Variants in PDE8B observed in about 807,000 individuals in gnomAD.
PDE8B encodes high affinity cAMP-specific and IBMX-insensitive 3',5'-cyclic phosphodiesterase 8B.
PDE8B carries 26 observed loss-of-function variants against 101.3 expected under a neutral mutation model. The ratio of observed to expected loss-of-function variants is 0.26; its 90% CI spans 0.19 to 0.36. The LOEUF (loss-of-function observed/expected upper bound fraction) is 0.36. PDE8B is among the 10% of genes least tolerant of loss of function. PDE8B has a pLI of 1.00. For synonymous variants in PDE8B, 424 were observed against 429.3 expected (o/e 0.99, Z 0.15); for missense variants, 810 against 1,163.1 (o/e 0.70, Z 4.42).
chr5:77,278,829 C>T (rs145254491), intron 1 of PDE8B, among the ~76,000 whole-genome samples: 1 of 152,244 alleles, frequency 6.6e-6, no homozygotes, highest in East Asian at 1.9e-4. Flanking sequence ...AATAGTACAA[C>T]ATCAATTTTT....
At chr5:77,165,613 G>A in the PDE8B span, 2 of 152,266 alleles carry the variant, frequency 1.3e-5, no homozygotes, top group Non-Finnish European at 2.9e-5. Flanking sequence ...TCTCCCTACT[G>A]GCATAAAAAT....
chr5:77,409,076 C>T lies in PDE8B; in HGVS notation c.1530+19C>T. The T allele has an allele frequency of 6.2e-7, 1 of 1,611,256 alleles. No individual in the cohort carries two copies. Among genetic ancestry groups the T allele is most frequent in the Non-Finnish European group, 8.5e-7 (1 of 1,177,632 alleles). On this transcript the variant is annotated intron_variant, in intron 14 of 21. Transcript: ENST00000264917. Reference sequence around the variant, plus strand: ...GATGACTGTGAGTGATGAGGCAAAACCTGAAAAGCAAGAGAGGTATCCGGG... The same window carrying T: ...GATGACTGTGAGTGATGAGGCAAAATCTGAAAAGCAAGAGAGGTATCCGGG...
In PDE8B at chr5:77,331,474, T is replaced by G; in HGVS notation, c.708+15T>G. 1 of 1,602,028 alleles carries G rather than the reference T, an allele frequency of 6.2e-7. No homozygotes were observed. Among genetic ancestry groups the G allele is most frequent in the Non-Finnish European group, 8.6e-7 (1 of 1,169,342 alleles). On this transcript the variant is annotated intron_variant, in intron 5 of 21. Coordinates refer to ENST00000264917, the MANE Select transcript of PDE8B (RefSeq NM_003719.5). Reference sequence around the variant, plus strand: ...GCTTCAACAGGGTATGTACAAGATATCCAGCATCTCTCTCAGTTGCAGGCA... The same window carrying G: ...GCTTCAACAGGGTATGTACAAGATAGCCAGCATCTCTCTCAGTTGCAGGCA...
At chr5:77,160,549 G>T in the PDE8B span, among the ~76,000 whole-genome samples, 1 of 152,138 alleles carries the variant, frequency 6.6e-6, no homozygotes, top group Non-Finnish European at 1.5e-5. Context: ...AAGAGTTGGA[G>T]TCTTTTTCAT....
In PDE8B at chr5:77,329,037, C is replaced by T; in HGVS notation, c.630C>T (p.Ile210=). The T allele has an allele frequency of 1.9e-6, 3 of 1,613,902 alleles. No homozygotes were observed. The highest frequency in any genetic ancestry group is 3.3e-5 in the Admixed American group (2 of 60,024). ...CAAATCCCTCCGAGCACACGGTGATCCTCGCAGTGGTTTCGCGAGTGTAAG... is the reference window on the plus strand; with the variant it reads ...CAAATCCCTCCGAGCACACGGTGATTCTCGCAGTGGTTTCGCGAGTGTAAG... ...RATNPSEHTV[I]LAVVSRVSDD... is the part of the protein sequence containing the mutation. Residue 210 remains isoleucine (I), a synonymous_variant, in exon 4 of 22, where the codon ATC becomes ATT. Coordinates refer to ENST00000264917, the MANE Select transcript of PDE8B (RefSeq NM_003719.5).
chr5:77,397,124 C>T (rs1433018891), intron 10 of PDE8B, among the ~76,000 whole-genome samples: 1 of 146,952 alleles, frequency 6.8e-6, no homozygotes, highest in African/African-American at 2.6e-5. Context: ...CCTCTGCCTC[C>T]TGGGTTCAAG....
the PDE8B span, among the ~76,000 whole-genome samples, chr5:77,102,257 G>C: frequency 6.6e-6 from 1 of 152,088 alleles, no homozygotes; most frequent in African/African-American, 2.4e-5. Context: ...TTTGCACCAG[G>C]CTTTTAGTTT....
intron 1 of PDE8B, among the ~76,000 whole-genome samples, chr5:77,229,590 A>G (rs1486233362): frequency 6.6e-6 from 1 of 152,178 alleles, no homozygotes; most frequent in Non-Finnish European, 1.5e-5. Context: ...AGTCAGTTCC[A>G]ATCCCCACCC....
chr5:77,133,527 A>G, the PDE8B span, among the ~76,000 whole-genome samples: 3 of 152,232 alleles, frequency 2.0e-5, no homozygotes, highest in Non-Finnish European at 4.4e-5. Context: ...GGCACAAGAA[A>G]ACAAAAAAAT....
the PDE8B span, chr5:77,139,410 G>A: frequency 1.4e-4 from 22 of 152,412 alleles, no homozygotes; most frequent in African/African-American, 4.8e-4. Context: ...ATAAATGGTG[G>A]TTGTTTTAAT....
the PDE8B span, among the ~76,000 whole-genome samples, chr5:77,173,597 G>A: frequency 6.6e-6 from 1 of 151,974 alleles, no homozygotes; most frequent in Non-Finnish European, 1.5e-5. Flanking sequence ...ATGGAAGGGC[G>A]AATATTTCCT....
chr5:77,370,492 G>T (rs1047098701), intron 10 of PDE8B, among the ~76,000 whole-genome samples: 1 of 152,110 alleles, frequency 6.6e-6, no homozygotes, highest in Admixed American at 6.5e-5. Context: ...ATATGATTTG[G>T]TTGCTTTTTA....
chr5:77,418,173 A>G, intron 17 of PDE8B, 56 bp from the exon 18 acceptor site: 1 of 1,107,952 alleles, frequency 9.0e-7, no homozygotes, highest in Non-Finnish European at 1.4e-6. Context: ...ACAAGGATGG[A>G]TGTGGGTCTC....
intron 1 of PDE8B, among the ~76,000 whole-genome samples, chr5:77,232,125 ATG>A (rs1441219309): frequency 2.8e-4 from 42 of 152,230 alleles, no homozygotes; most frequent in African/African-American, 9.4e-4. Context: ...TAATTTTAGA[ATG>A]TATTATTTTG....
the PDE8B span, chr5:77,112,374 A>G: frequency 6.6e-6 from 1 of 152,238 alleles, no homozygotes; most frequent in Non-Finnish European, 1.5e-5. Flanking sequence ...GTGATTGAAG[A>G]GTGGCTAAGC....
chr5:77,088,282 C>A, the PDE8B span: 2 of 152,326 alleles, frequency 1.3e-5, no homozygotes, highest in African/African-American at 4.8e-5. Flanking sequence ...TCCCGTGATT[C>A]CCGGAGCCCA....
chr5:77,210,021 C>G (rs773462336), upstream of PDE8B, among the ~76,000 whole-genome samples: 18 of 152,098 alleles, frequency 1.2e-4, no homozygotes, highest in Non-Finnish European at 2.5e-4. This position sits in a 1 kb window ranked among gnomAD's most constrained non-coding sequence, Gnocchi z 4.9. Context: ...AGGACGGAAC[C>G]ATGAGGTCTC....
At chr5:77,170,444 CG>C in the PDE8B span, among the ~76,000 whole-genome samples, 1 of 152,068 alleles carries the variant, frequency 6.6e-6, no homozygotes, top group African/African-American at 2.4e-5. Flanking sequence ...AAGGAAAACT[CG>C]GGAGAGGGAG....
chr5:77,268,509 C>G (rs1037023893), intron 1 of PDE8B, among the ~76,000 whole-genome samples: 4 of 151,848 alleles, frequency 2.6e-5, no homozygotes, highest in African/African-American at 7.3e-5. Flanking sequence ...CCCCACCCCC[C>G]CACTACTCTT....
Sources: allele counts gnomAD v4.1 joint callset (sites outside exome capture counted in the v4.1 genomes callset), GRCh38; gene constraint gnomAD v4.1.1; non-coding constraint Gnocchi (gnomAD v3.1); transcripts MANE v1.5; gene names NCBI Gene and HGNC (gene_info 2026-07-23, HGNC 2026-07-21).